The following CRMP1 variants were observed in gnomAD, a reference collection of about 807,000 sequenced individuals.
The protein encoded by CRMP1 is dihydropyrimidinase-related protein 1.
A neutral mutation model predicts 68.3 loss-of-function variants in CRMP1; 19 were observed. That is an observed-to-expected ratio of 0.28 (90% CI 0.19 to 0.41). CRMP1 has a LOEUF of 0.41. CRMP1 is among the 10% of genes least tolerant of loss of function. CRMP1 has a pLI of 1.00. For synonymous variants in CRMP1, 439 were observed against 399.6 expected, an observed-to-expected ratio of 1.10 and a Z score of -1.18; for missense variants, 791 against 967.4, an observed-to-expected ratio of 0.82 and a Z score of 2.42.
At chr4:5,869,796 T>A (rs745858161) in intron 1 of CRMP1, among the ~76,000 whole-genome samples, 21 of 151,806 alleles carry the variant, frequency 1.4e-4, no homozygotes, top group African/African-American at 4.1e-4. Flanking sequence ...AGGTGGTACA[T>A]CTGGGAGGTG....
intron 2 of CRMP1, among the ~76,000 whole-genome samples, chr4:5,862,557 G>A (rs773214810): frequency 3.3e-5 from 5 of 152,196 alleles, no homozygotes; most frequent in African/African-American, 7.2e-5. Context: ...TCTTCTAAGC[G>A]CATCACGGCT....
Position 5,860,128 on chromosome 4 carries a change from T to C in CRMP1, c.655+898A>G, listed in dbSNP as rs1713427242. Among the ~76,000 whole-genome samples the C allele has an allele frequency of 1.3e-5, 2 of 151,914 alleles. No individual in the cohort carries two copies. Among genetic ancestry groups the C allele is most frequent in the Admixed American group, 6.6e-5 (1 of 15,264 alleles). On this transcript the variant is annotated intron_variant, in intron 3 of 13. Transcript: ENST00000324989. The surrounding 1 kb of genome is among the most constrained non-coding windows in gnomAD (Gnocchi z 4.2). ...GCAGTGTTTCCTTCCCTCCCCAACC[T>C]CACCAGGGCTCTCTGTGGCACAGTG...
rs1425813591 is a variant in CRMP1 at position 5,858,808 on chromosome 4, A to G, written c.655+2218T>C. Among the ~76,000 whole-genome samples the G allele has an allele frequency of 1.3e-5, 2 of 152,140 alleles. No individual in the cohort carries two copies. The highest frequency in any genetic ancestry group is 2.9e-5 in the Non-Finnish European group (2 of 68,022). Reference sequence around the variant, plus strand: ...TCCTCTCCTTCCAGCCTTGCCTCACAGGATGTCATCCCTCAATCTCGACAC... The same window carrying G: ...TCCTCTCCTTCCAGCCTTGCCTCACGGGATGTCATCCCTCAATCTCGACAC... On this transcript the variant is annotated intron_variant, in intron 3 of 13. Transcript: ENST00000324989. This position sits in a 1 kb window ranked among gnomAD's most constrained non-coding sequence, Gnocchi z 5.5.
In CRMP1 at chr4:5,836,900, G is replaced by C. The variant is rs774155847; in HGVS notation, c.1317C>G (p.Asp439Glu). ...AGTGGCCGCTGCCTGTGACCTGCAA[G>C]TCCCCACTGGCAAGGACAAAACAAG... The part of the protein sequence containing the change: ...DYLTSLLACG[D>E]LQVTGSGHCP... Residue 439 changes from aspartate to glutamate, a missense_variant, in exon 10 of 14, where the codon GAC becomes GAG. This residue lies in a region of CRMP1 where 594 missense variants were observed against 763.6 expected (regional missense o/e 0.78). Transcript: ENST00000324989. 1.9e-6 allele frequency: 3 copies of C among 1,610,574 alleles called. No individual in the cohort carries two copies. The highest frequency in any genetic ancestry group is 2.7e-5 in the African/African-American group (2 of 74,926).
chr4:5,826,030 A>G (rs1719555584), intron 12 of CRMP1: 2 of 303,028 alleles, frequency 6.6e-6, no homozygotes, highest in Middle Eastern at 1.0e-3. Flanking sequence ...TAAATCACAT[A>G]CAGATCTTCA....
intron 1 of CRMP1, among the ~76,000 whole-genome samples, chr4:5,873,595 G>A (rs1489735056): frequency 6.6e-6 from 1 of 152,072 alleles, no homozygotes; most frequent in Non-Finnish European, 1.5e-5. Context: ...GATCTCCTCA[G>A]AACTCACTCA....
At chr4:5,835,831 T>G (rs561467557) in intron 11 of CRMP1, 84 bp downstream of exon 11, 3 of 1,330,460 alleles carry the variant, frequency 2.3e-6, no homozygotes, top group Non-Finnish European at 2.9e-6. Context: ...GTTGGAAAAT[T>G]CATAAATCAT....
chr4:5,845,993 C>G lies in CRMP1; in HGVS notation c.964-2832G>C, dbSNP rs567305349. 5.8e-3 allele frequency among the ~76,000 whole-genome samples: 889 copies of G among 152,224 alleles called. 5 individuals are homozygous for G. The highest frequency in any genetic ancestry group is 0.011 in the Admixed American group (165 of 15,292). On this transcript the variant is annotated intron_variant, in intron 6 of 13. Transcript: ENST00000324989. ...GTATTATCAGCCACAAGAAAGAGAT[C>G]CTTTAAATAGGGACCTTTTAGGCTG...
rs188436090 is a variant in CRMP1, at chr4:5,886,878, C to A, written c.381+5711G>T. 1.1e-3 allele frequency among the ~76,000 whole-genome samples: 170 copies of A among 152,376 alleles called. 1 individual carries two copies. The highest frequency in any genetic ancestry group is 5.3e-4 in the Non-Finnish European group (36 of 68,030). ...TACGAATGGGCCGCTTACACCTCTG[C>A]GTCTCAGAGGGCAGAGCTGAGAGAC... On this transcript the variant is annotated intron_variant, in intron 1 of 13. Coordinates refer to ENST00000324989, the MANE Select transcript of CRMP1 (RefSeq NM_001014809.3).
chr4:5,861,317 T>A lies in CRMP1; in HGVS notation c.471-107A>T. The A allele has an allele frequency of 8.8e-7, 1 of 1,138,552 alleles. No homozygotes were observed. The highest frequency in any genetic ancestry group is 1.3e-6 in the Non-Finnish European group (1 of 791,550). The allele number at this position is 1,138,552 out of a possible 1,614,324, so 70.5% of individuals were successfully genotyped here. A position where few individuals can be genotyped will look rare whatever the true frequency, so the allele number is the denominator to read the frequency against. ...AATAAACATTTCTGAGCCAGGCCCT[T>A]CACAAGGCCCTGGGGAGACAGAGAT... On this transcript the variant is annotated intron_variant, in intron 2 of 13. Transcript: ENST00000324989. This position sits in a 1 kb window ranked among gnomAD's most constrained non-coding sequence, Gnocchi z 6.0.
At chr4:5,827,930 G>C (rs1181971696) in intron 12 of CRMP1, 5 of 617,094 alleles carry the variant, frequency 8.1e-6, no homozygotes, top group Non-Finnish European at 1.0e-5. Flanking sequence ...CCTTCCCTTT[G>C]ACAGATGTCC....
In CRMP1 at chr4:5,825,057, C is replaced by A. The variant is rs1719326072; in HGVS notation, c.1969+437G>T. On this transcript the variant is annotated intron_variant, in intron 13 of 13. Coordinates refer to ENST00000324989, the MANE Select transcript of CRMP1 (RefSeq NM_001014809.3). This position sits in a 1 kb window ranked among gnomAD's most constrained non-coding sequence, Gnocchi z 4.4. ...TGGAGTAGTGAGGATAAAATAAAAT[C>A]ATGGGTTATGAAAGTGCTTAGTACA... is the stretch of plus-strand genomic sequence containing the variant. 1.0e-6 allele frequency: 1 copy of A among 985,244 alleles called. No individual in the cohort carries two copies. The highest frequency in any genetic ancestry group is 4.7e-5 in the South Asian group (1 of 21,288). 61.0% of individuals were successfully genotyped at this position (985,244 alleles called of 1,614,324 possible). A position where few individuals can be genotyped will look rare whatever the true frequency, so the allele number is the denominator to read the frequency against.
rs911222014 is a variant in CRMP1, at chr4:5,828,526, G to A, written c.1766C>T (p.Pro589Leu). 2 of 1,614,188 alleles carry A rather than the reference G, an allele frequency of 1.2e-6. No homozygotes were observed. Among genetic ancestry groups the A allele is most frequent in the Non-Finnish European group, 1.7e-6 (2 of 1,180,034 alleles). The stretch of plus-strand genomic sequence containing the variant: ...TTTGACGCGCTGGTACAGGTGCTCC[G>A]GGAACGCCTTCCGCGGAATGAAGCG... ...MGRFIPRKAF[P>L]EHLYQRVKIR... The change falls in exon 12 of 14, where the codon CCG becomes CTG. Residue 589 changes from proline (P) to leucine (L), a missense_variant. This residue lies in a region of CRMP1 where 594 missense variants were observed against 763.6 expected (regional missense o/e 0.78). Transcript: ENST00000324989.
At chr4:5,873,983 G>A (rs138524987) in intron 1 of CRMP1, among the ~76,000 whole-genome samples, 22 of 152,272 alleles carry the variant, frequency 1.4e-4, no homozygotes, top group Admixed American at 4.6e-4. Flanking sequence ...TCACATGAGC[G>A]CTGGGTGGAA....
At position 5,825,747 on chromosome 4, in the gene CRMP1, A is replaced by G. The variant is rs561311927; in HGVS notation, c.1804-88T>C. The G allele has an allele frequency of 7.2e-7, 1 of 1,390,330 alleles. No homozygotes were observed. Among genetic ancestry groups the G allele is most frequent in the Non-Finnish European group, 9.9e-7 (1 of 1,010,190 alleles). The allele number at this position is 1,390,330 out of a possible 1,614,324, so 86.1% of individuals were successfully genotyped here. ...TAAAGCAGAGCCCTGCGGGCGAGAG[A>G]GAAACCTGAGGTCACTTCAAATGTG... On this transcript the variant is annotated intron_variant, in intron 12 of 13. Coordinates refer to ENST00000324989, the MANE Select transcript of CRMP1 (RefSeq NM_001014809.3). This position sits in a 1 kb window ranked among gnomAD's most constrained non-coding sequence, Gnocchi z 4.4.
Position 5,892,750 on chromosome 4 carries a change from C to T in CRMP1, c.220G>A (p.Gly74Arg). 8.1e-7 allele frequency: 1 copy of T among 1,227,424 alleles called. No homozygotes were observed. Among genetic ancestry groups the T allele is most frequent in the African/African-American group, 1.6e-5 (1 of 62,910 alleles). The allele number at this position is 1,227,424 out of a possible 1,614,324, so 76.0% of individuals were successfully genotyped here. The change falls in exon 1 of 14, where the codon GGG becomes AGG. Residue 74 changes from glycine to arginine, a missense_variant. Transcript: ENST00000324989. The surrounding 1 kb of genome is among the most constrained non-coding windows in gnomAD (Gnocchi z 8.6). Reference sequence around the variant, plus strand: ...TCGCTGCCTCCCGGCCCTGGCAGCCCGACCGCGTCGGGCCGGCCAGCGCTG... The same window carrying T: ...TCGCTGCCTCCCGGCCCTGGCAGCCTGACCGCGTCGGGCCGGCCAGCGCTG... Reference protein sequence around the residue: ...PRSAGRPDAVGLPGPGGSEDT... With the variant: ...PRSAGRPDAVRLPGPGGSEDT...
At chr4:5,867,402 A>ATCT (rs1714074153) in intron 1 of CRMP1, among the ~76,000 whole-genome samples, 1 of 152,178 alleles carries the variant, frequency 6.6e-6, no homozygotes, top group Non-Finnish European at 1.5e-5. Context: ...TAGAACAGGG[A>ATCT]GTTATCAAGG....
At chr4:5,863,092 G>T (rs994669513) in intron 2 of CRMP1, among the ~76,000 whole-genome samples, 11 of 149,962 alleles carry the variant, frequency 7.3e-5, no homozygotes, top group Admixed American at 1.3e-4. Context: ...GAACAAACAT[G>T]CCTGACCTTT....
intron 13 of CRMP1, chr4:5,824,741 TCAC>T (rs1425156817): frequency 3.4e-5 from 33 of 984,720 alleles, no homozygotes; most frequent in Non-Finnish European, 4.0e-5. Context: ...AGAAAAAAAA[TCAC>T]CATACTCTTA....
Sources: allele counts gnomAD v4.1 joint callset (sites outside exome capture counted in the v4.1 genomes callset), GRCh38; gene constraint gnomAD v4.1.1; regional missense constraint gnomAD v4.1.1; non-coding constraint Gnocchi (gnomAD v3.1); transcripts MANE v1.5; gene names NCBI Gene and HGNC (gene_info 2026-07-23, HGNC 2026-07-21).